SOX5: variants seen among roughly 807,000 people sequenced by gnomAD.
SOX5 encodes SRY-box transcription factor 5.
Under a neutral mutation model 92.0 loss-of-function variants are expected in SOX5, and 9 were observed. The ratio of observed to expected loss-of-function variants is 0.10; its 90% confidence interval spans 0.06 to 0.17. The LOEUF is 0.17. SOX5 is among the 10% of genes least tolerant of loss of function. The pLI is 1.00. For synonymous variants in SOX5, 344 were observed against 336.3 expected, an observed-to-expected ratio of 1.02 and a Z score of -0.25; for missense variants, 642 against 944.5, an observed-to-expected ratio of 0.68 and a Z score of 4.20.
chr12:24,455,123 T>C lies in SOX5; in HGVS notation c.-250-86484A>G, dbSNP rs146213625. ...TATCTTCTTGATGGTCTCATCCATG[T>C]AGCCCCCTTTGTTAGAACATAAAAT... On this transcript the variant is annotated intron_variant, in intron 1 of 4. Coordinates refer to the SOX5 transcript ENST00000446891. Among the ~76,000 whole-genome samples the C allele has an allele frequency of 5.4e-4, 83 of 152,352 alleles. No homozygotes were observed. The Middle Eastern group carries it at 0.014, about 25-fold the overall frequency.
intron 3 of SOX5, among the ~76,000 whole-genome samples, chr12:24,266,283 T>C (rs968675959): frequency 6.6e-6 from 1 of 152,188 alleles, no homozygotes; most frequent in East Asian, 1.9e-4. Flanking sequence ...CCTTTAGCTA[T>C]AAACGTGCAT....
At chr12:23,640,930 T>C in intron 7 of SOX5, 33 bp from the exon 8 acceptor site, 1 of 1,377,398 alleles carries the variant, frequency 7.3e-7, no homozygotes, top group Non-Finnish European at 1.0e-6. Context: ...CGTCAGCACC[T>C]TTTATCTACT....
rs1463087817 is a variant in SOX5 at position 23,534,433 on chromosome 12, G to A, written c.2078C>T (p.Ser693Leu). The A allele has an allele frequency of 4.3e-6, 7 of 1,613,952 alleles. No individual in the cohort carries two copies. The highest frequency in any genetic ancestry group is 2.2e-5 in the East Asian group (1 of 44,880). ...GCTGCTAGACACGCTTGAGTGCTCC[G>A]AGGGCAGGTGAGGGGAGGGCATCCC... ...MAGMPSPHLP[S>L]EHSSVSSSPE... Residue 693 changes from serine (S) to leucine (L), a missense_variant, in exon 15 of 15, where the codon TCG (serine) becomes TTG (leucine). Physicochemically the swap from Ser to Leu is moderately radical, Grantham distance 145. Around this residue, in one of 8 missense-constraint regions of SOX5, gnomAD observed 130 missense variants for 140.6 expected, o/e 0.92. Coordinates refer to ENST00000451604, the MANE Select transcript of SOX5 (RefSeq NM_006940.6).
At chr12:24,424,832 C>T (rs1489490487) in intron 1 of SOX5, among the ~76,000 whole-genome samples, 1 of 129,056 alleles carries the variant, frequency 7.7e-6, no homozygotes, top group African/African-American at 3.0e-5. Context: ...GGCTGTTTTT[C>T]CCCCTAGACC....
intron 4 of SOX5, among the ~76,000 whole-genome samples, chr12:24,021,429 G>T (rs1299501646): frequency 6.6e-6 from 1 of 152,148 alleles, no homozygotes; most frequent in African/African-American, 2.4e-5. Context: ...TAAGTGGTTT[G>T]AAGATGTGAC....
rs1328387946 is a variant in SOX5 at position 24,393,174 on chromosome 12, A to T, written c.-250-24535T>A. ...CAGCAAAATTAGAAGCTGGCAAAAA[A>T]ACAAACCCACTGCCTGGGGCAGCCT... On this transcript the variant is annotated intron_variant, in intron 1 of 4. Transcript: ENST00000446891. The surrounding 1 kb of genome is among the most constrained non-coding windows in gnomAD (Gnocchi z 5.0). Among the ~76,000 whole-genome samples the T allele has an allele frequency of 6.6e-6, 1 of 152,206 alleles. No individual in the cohort carries two copies. Among genetic ancestry groups the T allele is most frequent in the Non-Finnish European group, 1.5e-5 (1 of 68,030 alleles).
intron 4 of SOX5, among the ~76,000 whole-genome samples, chr12:24,187,490 C>T (rs1216700427): frequency 6.6e-6 from 1 of 152,206 alleles, no homozygotes; most frequent in Non-Finnish European, 1.5e-5. Flanking sequence ...ACATTTGCTT[C>T]ATAACTGCAC....
At chr12:24,153,603 T>C (rs931805616) in intron 4 of SOX5, among the ~76,000 whole-genome samples, 52 of 152,238 alleles carry the variant, frequency 3.4e-4, no homozygotes, top group African/African-American at 1.2e-3. Context: ...AACATCTTCT[T>C]TCCTGCATCC....
chr12:23,747,342 C>T (rs1250516421), intron 4 of SOX5, among the ~76,000 whole-genome samples: 1 of 152,054 alleles, frequency 6.6e-6, no homozygotes, highest in Admixed American at 6.6e-5. Context: ...TACTAAAATC[C>T]ATTCTCCAAA....
chr12:24,522,841 T>C (rs900265539), intron 1 of SOX5, among the ~76,000 whole-genome samples: 2 of 152,034 alleles, frequency 1.3e-5, no homozygotes, highest in African/African-American at 4.8e-5. Context: ...GCTTTTCCAC[T>C]AAGATCTGGA....
chr12:23,684,554 T>C (rs2087189796), intron 6 of SOX5, among the ~76,000 whole-genome samples: 2 of 152,114 alleles, frequency 1.3e-5, no homozygotes, highest in African/African-American at 4.8e-5. Flanking sequence ...TTCAGTTCTT[T>C]TAATTACACA....
intron 4 of SOX5, among the ~76,000 whole-genome samples, chr12:24,121,808 C>G (rs938779462): frequency 1.4e-5 from 2 of 145,572 alleles, no homozygotes; most frequent in African/African-American, 5.1e-5. Flanking sequence ...ATCGCTTGAA[C>G]CTGGGAGGCA....
intron 4 of SOX5, among the ~76,000 whole-genome samples, chr12:24,086,950 CA>C (rs1478986140): frequency 6.6e-6 from 1 of 151,848 alleles, no homozygotes; most frequent in African/African-American, 2.4e-5. Context: ...CGGAATGTAC[CA>C]ATCAAAAAGA....
intron 2 of SOX5, 39 bp downstream of exon 2, chr12:23,895,754 A>G (rs2097170623): frequency 6.9e-7 from 1 of 1,453,546 alleles, no homozygotes; most frequent in Non-Finnish European, 9.7e-7. Flanking sequence ...AGACTGGTCA[A>G]AAAGTGAGTG....
intron 6 of SOX5, among the ~76,000 whole-genome samples, chr12:23,713,581 G>C (rs2092246502): frequency 6.6e-6 from 1 of 151,740 alleles, no homozygotes; most frequent in Non-Finnish European, 1.5e-5. Flanking sequence ...CATTAATACT[G>C]TGGCATTATT....
chr12:23,718,316 T>C (rs111297476), intron 6 of SOX5, among the ~76,000 whole-genome samples: 234 of 152,350 alleles, frequency 1.5e-3, no homozygotes, highest in African/African-American at 5.2e-3. Flanking sequence ...TAAATTTAAA[T>C]ATCCAAGAAT....
intron 7 of SOX5, among the ~76,000 whole-genome samples, chr12:23,657,458 C>T (rs1017247780): frequency 4.6e-5 from 7 of 152,036 alleles, no homozygotes; most frequent in African/African-American, 9.7e-5. Flanking sequence ...TTTATCTTAG[C>T]TTGTTTTACT....
At chr12:24,218,792 G>A (rs570397591) in intron 3 of SOX5, among the ~76,000 whole-genome samples, 15 of 151,882 alleles carry the variant, frequency 9.9e-5, no homozygotes, top group Admixed American at 2.6e-4. Context: ...ATTACTCCCT[G>A]ATACATAACA....
chr12:24,065,944 C>G (rs1002351986), intron 4 of SOX5, among the ~76,000 whole-genome samples: 3 of 152,112 alleles, frequency 2.0e-5, no homozygotes, highest in African/African-American at 7.2e-5. Context: ...AAATTTACCA[C>G]TAAGGAGCTT....
Sources: allele counts gnomAD v4.1 joint callset (sites outside exome capture counted in the v4.1 genomes callset), GRCh38; gene constraint gnomAD v4.1.1; regional missense constraint gnomAD v4.1.1; non-coding constraint Gnocchi (gnomAD v3.1); transcripts MANE v1.5; gene names NCBI Gene and HGNC (gene_info 2026-07-23, HGNC 2026-07-21).